Variants in SLC10A7 observed in about 807,000 individuals in gnomAD.
SLC10A7 encodes sodium/bile acid cotransporter 7.
A neutral mutation model predicts 43.2 loss-of-function variants in SLC10A7; 29 were observed. The ratio of observed to expected loss-of-function variants is 0.67; its 90% CI spans 0.50 to 0.92. The LOEUF is 0.92. SLC10A7 is among the 40% of genes least tolerant of loss of function. The pLI is 0.00. For synonymous variants in SLC10A7, 152 were observed against 144.8 expected (o/e 1.05, Z -0.35); for missense variants, 295 against 403.2 (o/e 0.73, Z 2.30).
At chr4:146,359,511 T>A (rs1735896323) in intron 5 of SLC10A7, among the ~76,000 whole-genome samples, 1 of 152,134 alleles carries the variant, frequency 6.6e-6, no homozygotes. Context: ...AAACTATGGG[T>A]TTATTCTAAT....
At chr4:146,482,779 C>G (rs1579303316) in intron 4 of SLC10A7, among the ~76,000 whole-genome samples, 2 of 152,188 alleles carry the variant, frequency 1.3e-5, no homozygotes, top group East Asian at 3.9e-4. Context: ...AAGAAGAATT[C>G]TCCCAGGGGC....
intron 1 of SLC10A7, among the ~76,000 whole-genome samples, chr4:146,520,051 A>T (rs1454635413): frequency 2.0e-5 from 3 of 152,238 alleles, no homozygotes; most frequent in African/African-American, 7.2e-5. Context: ...TCAGCATTCA[A>T]CACCTTTCTT....
intron 6 of SLC10A7, among the ~76,000 whole-genome samples, chr4:146,316,875 A>G (rs1732360833): frequency 6.6e-6 from 1 of 152,034 alleles, no homozygotes; most frequent in Non-Finnish European, 1.5e-5. Context: ...CAGGGATTCT[A>G]TTTTTCTCTA....
intron 5 of SLC10A7, among the ~76,000 whole-genome samples, chr4:146,362,143 A>C (rs1736088494): frequency 1.3e-5 from 2 of 152,198 alleles, no homozygotes; most frequent in Non-Finnish European, 2.9e-5. Context: ...ATCGGCCTTA[A>C]GAGGCTGTAG....
intron 5 of SLC10A7, among the ~76,000 whole-genome samples, chr4:146,378,149 T>A (rs1048747601): frequency 9.8e-5 from 15 of 152,308 alleles, no homozygotes; most frequent in East Asian, 3.9e-4. Flanking sequence ...TGAGGTCTAG[T>A]GATGACAACA....
At chr4:146,447,174 A>G (rs1335553492) in intron 4 of SLC10A7, among the ~76,000 whole-genome samples, 1 of 152,224 alleles carries the variant, frequency 6.6e-6, no homozygotes, top group Non-Finnish European at 1.5e-5. Flanking sequence ...TATGTTTAAT[A>G]TAAATAATGT....
intron 5 of SLC10A7, among the ~76,000 whole-genome samples, chr4:146,345,112 AGGCAAGAGGTACTTTTATG>A (rs1734528459): frequency 6.6e-6 from 1 of 152,172 alleles, no homozygotes. Context: ...GAGCATTTTG[AGGCAAGAGGTACTTTTATG>A]GGCAAGACTA....
rs534156790 is a variant in SLC10A7, at chr4:146,303,211, G to T, written c.555+2715C>A. On this transcript the variant is annotated intron_variant, in intron 7 of 11. Coordinates refer to ENST00000335472, the MANE Select transcript of SLC10A7 (RefSeq NM_001029998.6). ...TGGGTTCTACTGAGACCTTTGCTGG[G>T]ACTGCATCATCTCCATCCTACTTTA... Among the ~76,000 whole-genome samples, 71 of 152,208 alleles carry T rather than the reference G, an allele frequency of 4.7e-4. 1 individual carries two copies. In the South Asian group the frequency reaches 0.011, roughly 24 times the overall value.
intron 5 of SLC10A7, among the ~76,000 whole-genome samples, chr4:146,430,917 G>C (rs1269776762): frequency 1.3e-5 from 2 of 151,938 alleles, no homozygotes; most frequent in Non-Finnish European, 2.9e-5. Flanking sequence ...GTTTATCAAG[G>C]CTCTTAAGAT....
At chr4:146,393,764 T>G (rs1390744247) in intron 5 of SLC10A7, among the ~76,000 whole-genome samples, 1 of 152,198 alleles carries the variant, frequency 6.6e-6, no homozygotes, top group East Asian at 1.9e-4. Context: ...AAATACTGTA[T>G]GAAGTTCCAT....
intron 10 of SLC10A7, among the ~76,000 whole-genome samples, chr4:146,266,203 C>A (rs1345042805): frequency 6.6e-6 from 1 of 152,202 alleles, no homozygotes; most frequent in Non-Finnish European, 1.5e-5. Context: ...AGTTTACCAT[C>A]CAAATGTCCT....
At chr4:146,346,195 G>A (rs1734610499) in intron 5 of SLC10A7, among the ~76,000 whole-genome samples, 1 of 152,094 alleles carries the variant, frequency 6.6e-6, no homozygotes, top group South Asian at 2.1e-4. Flanking sequence ...GGTACAAACT[G>A]ATGACCAACT....
intron 7 of SLC10A7, among the ~76,000 whole-genome samples, 176 bp from the exon 8 acceptor site, chr4:146,294,271 A>G (rs1219808605): frequency 1.3e-5 from 2 of 152,198 alleles, no homozygotes; most frequent in African/African-American, 4.8e-5. Context: ...GGAATTTAAC[A>G]TTTGTAGTGC....
chr4:146,448,288 T>C (rs553271682), intron 4 of SLC10A7, among the ~76,000 whole-genome samples: 1 of 152,056 alleles, frequency 6.6e-6, no homozygotes, highest in East Asian at 1.9e-4. Context: ...AATTCTCTGA[T>C]AAAAGCAAGC....
At chr4:146,362,390 T>C (rs930854484) in intron 5 of SLC10A7, among the ~76,000 whole-genome samples, 1 of 152,120 alleles carries the variant, frequency 6.6e-6, no homozygotes, top group Non-Finnish European at 1.5e-5. Context: ...ATCCCTGATA[T>C]GTCTGGCAGC....
At chr4:146,326,081 G>A in intron 5 of SLC10A7, 85 bp from the exon 6 acceptor site, 1 of 1,184,960 alleles carries the variant, frequency 8.4e-7, no homozygotes, top group Non-Finnish European at 1.2e-6. Flanking sequence ...TGAGGCATAG[G>A]AGTGCTTATC....
intron 5 of SLC10A7, among the ~76,000 whole-genome samples, chr4:146,346,467 C>A (rs1035681229): frequency 4.6e-5 from 7 of 152,040 alleles, no homozygotes; most frequent in Admixed American, 2.0e-4. Context: ...ATTCAGAAAA[C>A]CTTTGATCTT....
intron 7 of SLC10A7, among the ~76,000 whole-genome samples, chr4:146,297,145 C>A (rs1433861460): frequency 6.6e-6 from 1 of 152,082 alleles, no homozygotes. Context: ...AATTAATTTG[C>A]CCTCAGACCT....
At chr4:146,490,149 C>T (rs1473542747) in intron 4 of SLC10A7, among the ~76,000 whole-genome samples, 2 of 151,768 alleles carry the variant, frequency 1.3e-5, no homozygotes, top group Non-Finnish European at 2.9e-5. Context: ...TTTTTCATAC[C>T]AAAATGTGAC....
Sources: allele counts gnomAD v4.1 joint callset (sites outside exome capture counted in the v4.1 genomes callset), GRCh38; gene constraint gnomAD v4.1.1; transcripts MANE v1.5; gene names NCBI Gene and HGNC (gene_info 2026-07-23, HGNC 2026-07-21).